The following SLC5A12 variants were observed in gnomAD, a reference collection of about 807,000 sequenced individuals.
SLC5A12 encodes sodium-coupled monocarboxylate transporter 2.
In SLC5A12, 46 loss-of-function variants were observed where a neutral mutation model predicts 72.7. The observed-to-expected ratio is 0.63, with a 90% CI of 0.50 to 0.81. The LOEUF (loss-of-function observed/expected upper bound fraction) is 0.81. Ranked by LOEUF, SLC5A12 falls within the 30% of genes least tolerant of loss-of-function variation. SLC5A12 has a pLI of 0.00. For synonymous variants in SLC5A12, 275 were observed against 264.4 expected (o/e 1.04, Z -0.39); for missense variants, 683 against 740.7 (o/e 0.92, Z 0.90).
rs559128014 is a variant in SLC5A12 at position 26,694,910 on chromosome 11, A to C, written c.1040+2254T>G. Among the ~76,000 whole-genome samples the C allele has an allele frequency of 9.2e-5, 14 of 152,194 alleles. No homozygotes were observed. The South Asian group carries it at 2.9e-3, about 32-fold the overall frequency. On this transcript the variant is annotated intron_variant, in intron 8 of 14. Coordinates refer to ENST00000396005, the MANE Select transcript of SLC5A12 (RefSeq NM_178498.4). The stretch of plus-strand genomic sequence containing the variant: ...AAGTCAATATCTTATTAAATTGTGA[A>C]ACCAAACAAATATTCCTTTTAGAGT...
intron 3 of SLC5A12, among the ~76,000 whole-genome samples, chr11:26,709,872 T>A (rs560120393): frequency 2.0e-5 from 3 of 150,502 alleles, no homozygotes; most frequent in Non-Finnish European, 2.9e-5. Flanking sequence ...TGAGTTTTAA[T>A]AGATCTTTGA....
At chr11:26,713,614 A>G (rs1275656410) in intron 1 of SLC5A12, among the ~76,000 whole-genome samples, 3 of 152,168 alleles carry the variant, frequency 2.0e-5, no homozygotes, top group Non-Finnish European at 4.4e-5. Context: ...CTCTGAGCTC[A>G]TATGGCACTA....
At chr11:26,704,340 C>A (rs1261362211) in intron 4 of SLC5A12, among the ~76,000 whole-genome samples, 1 of 152,092 alleles carries the variant, frequency 6.6e-6, no homozygotes, top group East Asian at 1.9e-4. Flanking sequence ...CTACAGAGGA[C>A]AAACAGAAGC....
chr11:26,689,374 T>A (rs568468780), intron 9 of SLC5A12, among the ~76,000 whole-genome samples: 1 of 152,168 alleles, frequency 6.6e-6, no homozygotes, highest in South Asian at 2.1e-4. Context: ...CATTCCAGCC[T>A]GGGTAACAAG....
At chr11:26,714,788 A>G (rs937007967) in intron 1 of SLC5A12, among the ~76,000 whole-genome samples, 2 of 152,272 alleles carry the variant, frequency 1.3e-5, no homozygotes, top group Admixed American at 1.3e-4. Flanking sequence ...ATCTCTTGGC[A>G]GAACTGTGAC....
Position 26,681,142 on chromosome 11 carries a change from G to C in SLC5A12, c.1388C>G (p.Ala463Gly), listed in dbSNP as rs367554725. Residue 463 changes from alanine to glycine, a missense_variant, in exon 12 of 15, where the codon GCC becomes GGC. By Grantham distance (60) the Ala-to-Gly change is moderately conservative (BLOSUM62 0). Coordinates refer to ENST00000396005, the MANE Select transcript of SLC5A12 (RefSeq NM_178498.4). ...CAGAGGCAAAGGCCATGTCTTAGAG[G>C]CTGGTGCAGGGTAAATGAAGGCCCC... ...AIGAFIYPAP[A>G]SKTWPLPLST... is the part of the protein sequence containing the mutation. The C allele has an allele frequency of 1.2e-4, 201 of 1,611,502 alleles. No individual in the cohort carries two copies. The highest frequency in any genetic ancestry group is 1.6e-4 in the Non-Finnish European group (187 of 1,178,890).
At chr11:26,697,299 A>G in intron 7 of SLC5A12, 47 bp from the exon 8 acceptor site, 1 of 1,517,692 alleles carries the variant, frequency 6.6e-7, no homozygotes, top group South Asian at 1.2e-5. Context: ...AGAAGAAAGA[A>G]AGAAAAGAAA....
intron 7 of SLC5A12, 42 bp downstream of exon 7, chr11:26,698,364 C>T (rs1410576267): frequency 1.2e-6 from 2 of 1,603,572 alleles, no homozygotes; most frequent in African/African-American, 1.3e-5. Flanking sequence ...TAGAAGCACG[C>T]TCATTCCAGA....
Position 26,670,882 on chromosome 11 carries a change from G to A in SLC5A12, c.*220C>T. On this transcript the variant is annotated 3_prime_UTR_variant, in exon 15 of 15. Coordinates refer to ENST00000396005, the MANE Select transcript of SLC5A12 (RefSeq NM_178498.4). ...GAAGTAGTCAAGGGCATTTGGAGCAGGTTGGTTTTTCTCTGTGAAAGTTGG... is the reference window on the plus strand; with the variant it reads ...GAAGTAGTCAAGGGCATTTGGAGCAAGTTGGTTTTTCTCTGTGAAAGTTGG... The A allele has an allele frequency of 2.6e-6, 1 of 380,400 alleles. No individual in the cohort carries two copies. The highest frequency in any genetic ancestry group is 4.6e-6 in the Non-Finnish European group (1 of 215,222). The allele number at this position is 380,400 out of a possible 1,614,324, so 23.6% of individuals were successfully genotyped here. A position where few individuals can be genotyped will look rare whatever the true frequency, so the allele number is the denominator to read the frequency against.
chr11:26,701,689 A>G (rs566632117), intron 6 of SLC5A12, among the ~76,000 whole-genome samples: 4 of 152,186 alleles, frequency 2.6e-5, no homozygotes, highest in Admixed American at 6.5e-5. Context: ...CTAGATAACA[A>G]TAAGTTCATT....
intron 1 of SLC5A12, among the ~76,000 whole-genome samples, chr11:26,718,184 G>A (rs1474614719): frequency 6.6e-6 from 1 of 152,146 alleles, no homozygotes; most frequent in Non-Finnish European, 1.5e-5. Flanking sequence ...AGATTAAGTG[G>A]TATAAATTTG....
chr11:26,722,809 C>T (rs1855505991), upstream of SLC5A12, among the ~76,000 whole-genome samples: 1 of 151,180 alleles, frequency 6.6e-6, no homozygotes, highest in East Asian at 1.9e-4. Flanking sequence ...TTTGTTCATG[C>T]TTCTCCTCCT....
chr11:26,707,860 A>G (rs187257376), intron 4 of SLC5A12, among the ~76,000 whole-genome samples: 4 of 152,154 alleles, frequency 2.6e-5, no homozygotes, highest in Non-Finnish European at 4.4e-5. Flanking sequence ...TATAGTCTTC[A>G]GTTGGATTAT....
chr11:26,713,820 A>G (rs182294009), intron 1 of SLC5A12, among the ~76,000 whole-genome samples: 51 of 152,254 alleles, frequency 3.3e-4, no homozygotes, highest in African/African-American at 1.2e-3. Context: ...GGTCAAAATC[A>G]AAGTGTGAGC....
intron 4 of SLC5A12, among the ~76,000 whole-genome samples, chr11:26,708,764 A>G (rs1293862247): frequency 6.6e-6 from 1 of 152,086 alleles, no homozygotes; most frequent in Admixed American, 6.6e-5. Context: ...CATGCTGTCA[A>G]TACAACTCAG....
chr11:26,698,098 G>T (rs142051496), intron 7 of SLC5A12, among the ~76,000 whole-genome samples: 1 of 151,688 alleles, frequency 6.6e-6, no homozygotes, highest in Admixed American at 6.6e-5. Context: ...ATATTTTGCC[G>T]TGTTGGCCAG....
chr11:26,674,386 T>G (rs4923375), intron 13 of SLC5A12, among the ~76,000 whole-genome samples: 80,057 of 149,244 alleles, frequency 0.54, 21,703 homozygotes, highest in Middle Eastern at 0.63. Flanking sequence ...ACAAAAAAAA[T>G]AAAAAAATGT....
At chr11:26,678,510 T>A (rs1160778145) in intron 13 of SLC5A12, among the ~76,000 whole-genome samples, 1 of 151,922 alleles carries the variant, frequency 6.6e-6, no homozygotes. Context: ...CTCCCGTGAA[T>A]ATATGTTTTA....
intron 1 of SLC5A12, among the ~76,000 whole-genome samples, chr11:26,714,982 G>C (rs1855316653): frequency 6.6e-6 from 1 of 151,888 alleles, no homozygotes; most frequent in Non-Finnish European, 1.5e-5. Context: ...AGGAAGGGAA[G>C]TCAGTGAGGA....
Sources: gnomAD v4.1 joint callset for allele counts (sites outside exome capture counted in the v4.1 genomes callset) on GRCh38, gnomAD v4.1.1 for gene constraint, MANE v1.5 for transcripts, NCBI Gene and HGNC (gene_info 2026-07-23, HGNC 2026-07-21) for gene names.